The following DSCAM variants were observed in gnomAD, a reference collection of about 807,000 sequenced individuals.
The protein encoded by DSCAM is cell adhesion molecule DSCAM.
DSCAM carries 47 observed loss-of-function variants against 217.7 expected under a neutral mutation model. The ratio of observed to expected loss-of-function variants is 0.22; its 90% confidence interval spans 0.17 to 0.28. The LOEUF (loss-of-function observed/expected upper bound fraction) is 0.28. Among genes scored for constraint, DSCAM ranks in the 10% least tolerant of loss-of-function variants. The pLI, the probability that DSCAM is intolerant of heterozygous loss-of-function variation, is 1.00. For synonymous variants in DSCAM, 1,056 were observed against 1,015.3 expected (o/e 1.04, Z -0.76); for missense variants, 2,080 against 2,618.3 (o/e 0.79, Z 4.49).
intron 3 of DSCAM, among the ~76,000 whole-genome samples, chr21:40,610,099 G>A (rs2837744): frequency 0.2 from 31,127 of 152,092 alleles, 3,363 homozygotes; most frequent in East Asian, 0.31. Flanking sequence ...TAGTCCACAC[G>A]AACATCTCGA....
At chr21:40,276,015 T>C (rs1601509175) in intron 11 of DSCAM, 82 bp downstream of exon 11, 2 of 1,391,144 alleles carry the variant, frequency 1.4e-6, no homozygotes, top group Non-Finnish European at 1.9e-6. Context: ...TAAACAGGTA[T>C]GTATGGAGAC....
chr21:40,151,885 G>T (rs1456521006), intron 16 of DSCAM, among the ~76,000 whole-genome samples: 1 of 152,116 alleles, frequency 6.6e-6, no homozygotes, highest in Non-Finnish European at 1.5e-5. Flanking sequence ...CATTGCCCAG[G>T]CCCCACCAGG....
At chr21:40,736,857 T>G (rs970376811) in intron 1 of DSCAM, among the ~76,000 whole-genome samples, 4 of 152,216 alleles carry the variant, frequency 2.6e-5, no homozygotes, top group Non-Finnish European at 4.4e-5. Flanking sequence ...TTAAAAACCC[T>G]TATAGAATTG....
At chr21:40,686,293 A>C (rs956471958) in intron 3 of DSCAM, among the ~76,000 whole-genome samples, 1 of 150,518 alleles carries the variant, frequency 6.6e-6, no homozygotes, top group Admixed American at 6.6e-5. Flanking sequence ...CAGAGCTCAC[A>C]CACCATACAC....
chr21:40,595,051 C>T (rs2077011323), intron 3 of DSCAM, among the ~76,000 whole-genome samples: 1 of 152,150 alleles, frequency 6.6e-6, no homozygotes, highest in African/African-American at 2.4e-5. Context: ...TTCTTTGGTG[C>T]CACCAAGTGC....
intron 11 of DSCAM, among the ~76,000 whole-genome samples, chr21:40,262,342 C>T (rs2073464465): frequency 6.6e-6 from 1 of 151,958 alleles, no homozygotes; most frequent in African/African-American, 2.4e-5. Flanking sequence ...ATGCTTTATG[C>T]AGCAAAAAGC....
chr21:40,218,109 T>C (rs2091259649), intron 11 of DSCAM, among the ~76,000 whole-genome samples: 1 of 152,162 alleles, frequency 6.6e-6, no homozygotes, highest in Admixed American at 6.5e-5. Flanking sequence ...CTAGGTTGTC[T>C]TCCAGGGTTT....
At chr21:40,447,716 C>T (rs891776914) in intron 3 of DSCAM, among the ~76,000 whole-genome samples, 4 of 152,206 alleles carry the variant, frequency 2.6e-5, no homozygotes, top group Non-Finnish European at 5.9e-5. Context: ...CAACAATAAT[C>T]ATTTTGAAAG....
intron 1 of DSCAM, among the ~76,000 whole-genome samples, chr21:40,805,151 T>C (rs1050079654): frequency 6.6e-5 from 10 of 152,240 alleles, no homozygotes; most frequent in Non-Finnish European, 1.3e-4. Flanking sequence ...GCTACTTCTC[T>C]TCTTATAATA....
At chr21:40,801,800 G>A (rs978101627) in intron 1 of DSCAM, among the ~76,000 whole-genome samples, 2 of 152,218 alleles carry the variant, frequency 1.3e-5, no homozygotes, top group Non-Finnish European at 2.9e-5. Context: ...TTTGCAGAAA[G>A]CAAGAGTTGT....
chr21:40,089,409 G>C (rs978446251), intron 21 of DSCAM, among the ~76,000 whole-genome samples: 2 of 152,118 alleles, frequency 1.3e-5, no homozygotes, highest in African/African-American at 4.8e-5. Context: ...CTGCAACCTG[G>C]TGTCCCCTCT....
intron 3 of DSCAM, among the ~76,000 whole-genome samples, chr21:40,687,508 C>T (rs534189361): frequency 2.8e-4 from 42 of 152,122 alleles, no homozygotes; most frequent in Non-Finnish European, 5.4e-4. Context: ...AGCAGAGGCC[C>T]CCCACAGCAT....
At chr21:40,026,169 T>A (rs1167643468) in intron 32 of DSCAM, among the ~76,000 whole-genome samples, 5 of 142,040 alleles carry the variant, frequency 3.5e-5, no homozygotes, top group African/African-American at 1.0e-4. Flanking sequence ...AGTTTCCATG[T>A]AGTTGAGCGA....
chr21:40,562,232 G>A (rs767136133), intron 3 of DSCAM, among the ~76,000 whole-genome samples: 3 of 152,092 alleles, frequency 2.0e-5, no homozygotes, highest in Non-Finnish European at 4.4e-5. Flanking sequence ...TCCCCCATGC[G>A]GTTCTCATGA....
At position 40,295,398 on chromosome 21, in the gene DSCAM, C is replaced by T. The variant is rs916663991; in HGVS notation, c.2182+657G>A. On this transcript the variant is annotated intron_variant, in intron 10 of 32. Coordinates refer to ENST00000400454, the MANE Select transcript of DSCAM (RefSeq NM_001389.5). ...CTAACATGATTCCACTCTTCGTTTCCATGTCATACATTTCTACTTGCATAA... is the reference window on the plus strand; with the variant it reads ...CTAACATGATTCCACTCTTCGTTTCTATGTCATACATTTCTACTTGCATAA... 1.8e-4 allele frequency among the ~76,000 whole-genome samples: 28 copies of T among 152,086 alleles called. 1 individual carries two copies. The highest frequency in any genetic ancestry group is 8.8e-5 in the Non-Finnish European group (6 of 68,040).
intron 3 of DSCAM, among the ~76,000 whole-genome samples, chr21:40,452,800 A>T (rs1173957748): frequency 1.4e-4 from 21 of 152,070 alleles, no homozygotes; most frequent in Admixed American, 1.2e-3. Flanking sequence ...TGCAAAGAAG[A>T]TGTGATCTAG....
intron 4 of DSCAM, among the ~76,000 whole-genome samples, chr21:40,359,873 G>A (rs1230724373): frequency 1.3e-5 from 2 of 152,052 alleles, no homozygotes; most frequent in East Asian, 3.9e-4. Flanking sequence ...GCGTAATTGT[G>A]GCACGACTCC....
chr21:40,151,524 G>A (rs561858682), intron 16 of DSCAM, among the ~76,000 whole-genome samples: 2 of 152,342 alleles, frequency 1.3e-5, no homozygotes, highest in African/African-American at 4.8e-5. Flanking sequence ...CACTGTGGAT[G>A]TTCTCAGAAG....
intron 19 of DSCAM, 45 bp from the exon 20 acceptor site, chr21:40,124,373 G>C (rs1164282581): frequency 6.2e-7 from 1 of 1,609,130 alleles, no homozygotes; most frequent in East Asian, 2.2e-5. Context: ...CCTCAACTTG[G>C]GCTTGCGGAC....
Sources: gnomAD v4.1 joint callset for allele counts (sites outside exome capture counted in the v4.1 genomes callset) on GRCh38, gnomAD v4.1.1 for gene constraint, MANE v1.5 for transcripts, NCBI Gene and HGNC (gene_info 2026-07-23, HGNC 2026-07-21) for gene names.